Variants in SLIT3 observed in about 807,000 individuals in gnomAD.
SLIT3 encodes slit homolog 3 protein.
In SLIT3, 68 loss-of-function variants were observed where a neutral mutation model predicts 184.0. The ratio of observed to expected loss-of-function variants is 0.37; its 90% CI spans 0.30 to 0.45. SLIT3 has a LOEUF of 0.45. SLIT3 is among the 20% of genes least tolerant of loss of function. SLIT3 has a pLI of 1.00. For missense variants in SLIT3, 1,707 were observed against 2,026.0 expected (o/e 0.84, Z 3.02); for synonymous variants, 831 against 828.6 (o/e 1.00, Z -0.05).
intron 4 of SLIT3, among the ~76,000 whole-genome samples, chr5:168,964,432 G>A (rs1029978912): frequency 2.0e-5 from 3 of 152,150 alleles, no homozygotes; most frequent in East Asian, 3.8e-4. Flanking sequence ...GAAAGCCTGG[G>A]GCATAGTTTT....
At chr5:169,151,311 T>TCC (rs2113369623) in intron 4 of SLIT3, among the ~76,000 whole-genome samples, 1 of 152,274 alleles carries the variant, frequency 6.6e-6, no homozygotes, top group Non-Finnish European at 1.5e-5. Flanking sequence ...TGGTCCTGCT[T>TCC]CCCCTTTTAT....
intron 5 of SLIT3, among the ~76,000 whole-genome samples, chr5:168,869,356 C>A (rs1422367021): frequency 6.6e-6 from 1 of 152,156 alleles, no homozygotes; most frequent in Non-Finnish European, 1.5e-5. Context: ...TAAATCATTT[C>A]ACTTTTGTAT....
chr5:169,184,718 T>C (rs1050370038), intron 4 of SLIT3, among the ~76,000 whole-genome samples: 1 of 152,198 alleles, frequency 6.6e-6, no homozygotes, highest in African/African-American at 2.4e-5. Context: ...TGTTTCTATA[T>C]GCTAAGTTTG....
chr5:168,735,630 A>G (rs1763409525), intron 20 of SLIT3, among the ~76,000 whole-genome samples: 1 of 151,178 alleles, frequency 6.6e-6, no homozygotes, highest in South Asian at 2.1e-4. Context: ...CACATTTTAA[A>G]TATACATACA....
Position 169,086,745 on chromosome 5 carries a change from C to G in SLIT3, c.413+106734G>C, listed in dbSNP as rs910272449. 3.9e-5 allele frequency among the ~76,000 whole-genome samples: 6 copies of G among 152,162 alleles called. No homozygotes were observed. The South Asian group carries it at 1.2e-3, about 32-fold the overall frequency. ...CAAGAGTCTTAAGAATGCCCTTGAC[C>G]TTTGACCCTTAATTCATCTCCGGGA... On this transcript the variant is annotated intron_variant, in intron 4 of 35. Transcript: ENST00000519560.
intron 4 of SLIT3, among the ~76,000 whole-genome samples, chr5:169,125,065 T>G (rs1395448690): frequency 6.6e-6 from 1 of 152,194 alleles, no homozygotes; most frequent in East Asian, 1.9e-4. Context: ...TTTTTGTTTT[T>G]TGAGATGGAG....
At chr5:168,725,373 C>T (rs1415009310) in intron 20 of SLIT3, among the ~76,000 whole-genome samples, 1 of 152,232 alleles carries the variant, frequency 6.6e-6, no homozygotes, top group Non-Finnish European at 1.5e-5. Context: ...TTAATGCTAT[C>T]CTCAAGTGGG....
Position 168,844,690 on chromosome 5 carries a change from C to G in SLIT3, c.486-35G>C, listed in dbSNP as rs371347549. 14 of 1,607,418 alleles carry G rather than the reference C, an allele frequency of 8.7e-6. No homozygotes were observed. In the Admixed American group the frequency reaches 2.3e-4, roughly 27 times the overall value. ...AGCAGGGGAGAGCATGAAGGCTGAG[C>G]GGGGGCAGCGTGAGGGGCCGGCGGC... On this transcript the variant is annotated intron_variant, in intron 5 of 35. Coordinates refer to ENST00000519560, the MANE Select transcript of SLIT3 (RefSeq NM_003062.4).
chr5:168,989,107 A>G (rs1277207808), intron 4 of SLIT3, among the ~76,000 whole-genome samples: 2 of 152,258 alleles, frequency 1.3e-5, no homozygotes, highest in African/African-American at 4.8e-5. Flanking sequence ...CAAATACAGG[A>G]GCCTTGCAGA....
At chr5:168,710,123 T>G (rs1401476317) in intron 25 of SLIT3, 3 of 152,120 alleles carry the variant, frequency 2.0e-5, no homozygotes, top group Non-Finnish European at 4.4e-5. Context: ...AAACCAGAAA[T>G]GGATTAAGTG....
At chr5:169,125,986 A>G (rs1458856100) in intron 4 of SLIT3, among the ~76,000 whole-genome samples, 1 of 152,078 alleles carries the variant, frequency 6.6e-6, no homozygotes, top group African/African-American at 2.4e-5. Context: ...CTCCTCAGGA[A>G]CTTCATTTTG....
intron 2 of SLIT3, among the ~76,000 whole-genome samples, chr5:169,246,949 G>C (rs1364168024): frequency 9.7e-6 from 1 of 102,600 alleles, no homozygotes; most frequent in African/African-American, 4.3e-5. Flanking sequence ...AAAAAAAAAA[G>C]GCTGGGCACA....
chr5:168,989,869 GC>G (rs1755260052), intron 4 of SLIT3, among the ~76,000 whole-genome samples: 1 of 152,216 alleles, frequency 6.6e-6, no homozygotes, highest in Non-Finnish European at 1.5e-5. Flanking sequence ...AAGTGAAGGG[GC>G]CAGGTTGAAT....
chr5:169,219,657 G>A (rs1440325564), intron 3 of SLIT3, among the ~76,000 whole-genome samples: 4 of 152,218 alleles, frequency 2.6e-5, no homozygotes, highest in African/African-American at 9.6e-5. Flanking sequence ...GCATGACCCT[G>A]CCCAAGGGAG....
At chr5:169,209,440 C>G (rs925278141) in intron 3 of SLIT3, among the ~76,000 whole-genome samples, 5 of 152,214 alleles carry the variant, frequency 3.3e-5, no homozygotes, top group African/African-American at 1.2e-4. Context: ...AATCCCATTA[C>G]TGAGTATACA....
chr5:168,932,390 A>ACACACC (rs1762018312), intron 4 of SLIT3, among the ~76,000 whole-genome samples: 1 of 134,274 alleles, frequency 7.4e-6, no homozygotes, highest in East Asian at 2.2e-4. Context: ...ACACACACAC[A>ACACACC]CTACACACAC....
intron 2 of SLIT3, 123 bp downstream of exon 2, chr5:169,251,265 T>C (rs1450828364): frequency 5.5e-6 from 4 of 728,534 alleles, no homozygotes; most frequent in Non-Finnish European, 1.0e-5. Context: ...GGCTTTCTGC[T>C]GCAGAATGGT....
chr5:169,080,637 G>GA (rs573970742), intron 4 of SLIT3, among the ~76,000 whole-genome samples: 1 of 151,670 alleles, frequency 6.6e-6, no homozygotes, highest in East Asian at 1.9e-4. Context: ...TGAGGAAGCT[G>GA]TTTTTTTTGC....
At chr5:168,688,123 G>A (rs944313887) in intron 29 of SLIT3, among the ~76,000 whole-genome samples, 46 of 152,206 alleles carry the variant, frequency 3.0e-4, no homozygotes, top group Admixed American at 2.8e-3. Context: ...TGAATGCACC[G>A]AGGGGCTGAG....
Sources: allele counts gnomAD v4.1 joint callset (sites outside exome capture counted in the v4.1 genomes callset), GRCh38; gene constraint gnomAD v4.1.1; transcripts MANE v1.5; gene names NCBI Gene and HGNC (gene_info 2026-07-23, HGNC 2026-07-21).